Variants in CSMD1 observed in about 807,000 individuals in gnomAD.
CSMD1 encodes the protein CUB and Sushi multiple domains 1.
Under a neutral mutation model 417.5 loss-of-function variants are expected in CSMD1, and 213 were observed. The ratio of observed to expected loss-of-function variants is 0.51; its 90% CI spans 0.46 to 0.57. CSMD1 has a LOEUF of 0.57. Ranked by LOEUF, CSMD1 falls within the 20% of genes least tolerant of loss-of-function variation. The pLI is 0.00. For missense variants in CSMD1, 6,923 were observed against 4,529.7 expected (o/e 1.53, Z -15.17); for synonymous variants, 2,862 against 1,736.8 (o/e 1.65, Z -16.11).
At chr8:3,159,656 C>G (rs1819758402) in intron 38 of CSMD1, among the ~76,000 whole-genome samples, 1 of 152,152 alleles carries the variant, frequency 6.6e-6, no homozygotes, top group African/African-American at 2.4e-5. Flanking sequence ...ATGTGAATGA[C>G]AAACAGCAGC....
chr8:3,700,556 G>C (rs1202512147), intron 7 of CSMD1: 1 of 152,252 alleles, frequency 6.6e-6, no homozygotes, highest in Non-Finnish European at 1.5e-5. Context: ...GGGCTGGTTA[G>C]TACTTGGATG....
At chr8:3,826,156 G>A (rs896546650) in intron 5 of CSMD1, among the ~76,000 whole-genome samples, 1 of 152,034 alleles carries the variant, frequency 6.6e-6, no homozygotes, top group Non-Finnish European at 1.5e-5. Context: ...ATACATCAAA[G>A]TGACGAGGCT....
intron 5 of CSMD1, among the ~76,000 whole-genome samples, chr8:3,782,017 TA>T (rs752986818): frequency 2.2e-5 from 3 of 137,728 alleles, no homozygotes; most frequent in Non-Finnish European, 5.1e-5. Flanking sequence ...TTTTAAGGGA[TA>T]ATTTAAGAGT....
intron 1 of CSMD1, among the ~76,000 whole-genome samples, chr8:4,895,744 G>A (rs1382792180): frequency 6.7e-6 from 1 of 150,338 alleles, no homozygotes; most frequent in African/African-American, 2.5e-5. Flanking sequence ...TATTTTTCTA[G>A]TAATTAACCA....
intron 5 of CSMD1, among the ~76,000 whole-genome samples, chr8:3,805,758 G>A (rs1408168067): frequency 6.6e-6 from 1 of 151,800 alleles, no homozygotes. Context: ...TACTCTTTGA[G>A]TCCGTCCCCT....
At chr8:4,061,594 G>C (rs550549335) in intron 3 of CSMD1, among the ~76,000 whole-genome samples, 2 of 152,290 alleles carry the variant, frequency 1.3e-5, no homozygotes, top group African/African-American at 2.4e-5. Context: ...AAGTTGTCTG[G>C]TTCCAGACAC....
intron 46 of CSMD1, among the ~76,000 whole-genome samples, chr8:3,101,802 T>TC (rs768540002): frequency 5.7e-5 from 1 of 17,642 alleles, no homozygotes; most frequent in Non-Finnish European, 2.1e-4. Context: ...TCTTTTTCTT[T>TC]TTTTTTTTTT....
At chr8:4,049,796 T>A (rs1217271134) in intron 3 of CSMD1, among the ~76,000 whole-genome samples, 4 of 152,136 alleles carry the variant, frequency 2.6e-5, no homozygotes, top group African/African-American at 7.2e-5. Context: ...ACTGTTAGCA[T>A]CTTAGCTTTG....
intron 5 of CSMD1, among the ~76,000 whole-genome samples, chr8:3,965,687 A>C (rs1263900157): frequency 6.6e-6 from 1 of 152,000 alleles, no homozygotes; most frequent in Non-Finnish European, 1.5e-5. Flanking sequence ...GTGCCATCTC[A>C]GCTCACTACA....
chr8:4,477,590 G>T (rs888039047), intron 2 of CSMD1, among the ~76,000 whole-genome samples: 3 of 152,138 alleles, frequency 2.0e-5, no homozygotes, highest in Non-Finnish European at 2.9e-5. Flanking sequence ...GAGTTGAGAA[G>T]TTCCTATTTA....
At chr8:3,158,488 C>T (rs951314281) in intron 38 of CSMD1, among the ~76,000 whole-genome samples, 3 of 152,126 alleles carry the variant, frequency 2.0e-5, no homozygotes, top group Admixed American at 6.5e-5. Context: ...AGAACGGAGA[C>T]TTCACATTCA....
rs115663252 is a variant in CSMD1 at position 4,757,573 on chromosome 8, C to T, written c.86-120015G>A. ...ACAGACTATTCTGGATAGGCTAAGTCTGAGCAATAGCCTACAGGAGACATA... is the reference window on the plus strand; with the variant it reads ...ACAGACTATTCTGGATAGGCTAAGTTTGAGCAATAGCCTACAGGAGACATA... On this transcript the variant is annotated intron_variant, in intron 1 of 69. Coordinates refer to ENST00000635120, the MANE Select transcript of CSMD1 (RefSeq NM_033225.6). Among the ~76,000 whole-genome samples, 1,078 of 152,264 alleles carry T rather than the reference C, an allele frequency of 7.1e-3. 14 individuals are homozygous for T. Among genetic ancestry groups the T allele is most frequent in the African/African-American group, 0.024 (1,017 of 41,556 alleles).
chr8:4,336,773 G>A (rs565163482), intron 3 of CSMD1, among the ~76,000 whole-genome samples: 62 of 152,192 alleles, frequency 4.1e-4, no homozygotes, highest in African/African-American at 1.2e-3. Context: ...GGCAAAGCTG[G>A]GCCCAGAGGG....
chr8:3,189,714 T>C, intron 34 of CSMD1, among the ~76,000 whole-genome samples, 198 bp downstream of exon 34: 1 of 128,824 alleles, frequency 7.8e-6, no homozygotes, highest in Non-Finnish European at 1.9e-5. Flanking sequence ...TTATCCTTGT[T>C]AAGATGATGA....
chr8:3,776,779 G>A (rs962691797), intron 5 of CSMD1, among the ~76,000 whole-genome samples: 1 of 122,144 alleles, frequency 8.2e-6, no homozygotes. Flanking sequence ...TGATAGATGA[G>A]CAGTGATAGA....
At chr8:4,468,081 T>C (rs568881729) in intron 2 of CSMD1, among the ~76,000 whole-genome samples, 1 of 152,302 alleles carries the variant, frequency 6.6e-6, no homozygotes, top group South Asian at 2.1e-4. Context: ...CTGAAATTGA[T>C]CTGCACTGTT....
chr8:3,443,470 C>G (rs1025987608), intron 12 of CSMD1, among the ~76,000 whole-genome samples: 4 of 152,176 alleles, frequency 2.6e-5, no homozygotes, highest in Non-Finnish European at 5.9e-5. Flanking sequence ...CATCTAATAT[C>G]TATATATAGA....
chr8:4,802,580 A>G (rs533701718), intron 1 of CSMD1, among the ~76,000 whole-genome samples: 24 of 152,242 alleles, frequency 1.6e-4, no homozygotes, highest in Non-Finnish European at 2.9e-4. Context: ...AGAGATCACA[A>G]TGTTTTTTTC....
chr8:4,034,117 A>G (rs1220832139), intron 3 of CSMD1, among the ~76,000 whole-genome samples: 1 of 152,242 alleles, frequency 6.6e-6, no homozygotes, highest in African/African-American at 2.4e-5. Context: ...AATGTAGAAT[A>G]ATATTTTCTG....
Sources: gnomAD v4.1 joint callset for allele counts (sites outside exome capture counted in the v4.1 genomes callset) on GRCh38, gnomAD v4.1.1 for gene constraint, MANE v1.5 for transcripts, NCBI Gene and HGNC (gene_info 2026-07-23, HGNC 2026-07-21) for gene names.